RCC2: variants seen among roughly 807,000 people sequenced by gnomAD.
RCC2 encodes regulator of chromosome condensation 2.
RCC2 carries 19 observed loss-of-function variants against 64.1 expected under a neutral mutation model. The ratio of observed to expected loss-of-function variants is 0.30; its 90% CI spans 0.21 to 0.44. The LOEUF is 0.44. RCC2 is among the 20% of genes least tolerant of loss of function. The pLI, the probability that RCC2 is intolerant of heterozygous loss-of-function variation, is 1.00. For missense variants in RCC2, 508 were observed against 710.4 expected, an observed-to-expected ratio of 0.72 and a Z score of 3.24; for synonymous variants, 325 against 279.6, an observed-to-expected ratio of 1.16 and a Z score of -1.62.
In RCC2 at chr1:17,413,195, C is replaced by T. The variant is rs1307264059; in HGVS notation, c.1208-17G>A. ...ACAGACCACCTAAGGGAAGACAAAA[C>T]ATGTTCCCAGCGTGACCAGACATCG... On this transcript the variant is annotated splice_polypyrimidine_tract_variant and intron_variant, in intron 9 of 12. Coordinates refer to ENST00000375436, the MANE Select transcript of RCC2 (RefSeq NM_018715.4). 2 of 1,562,958 alleles carry T rather than the reference C, an allele frequency of 1.3e-6. No homozygotes were observed. Among genetic ancestry groups the T allele is most frequent in the South Asian group, 1.1e-5 (1 of 89,594 alleles).
chr1:17,431,501 A>C (rs1306708622), intron 2 of RCC2, among the ~76,000 whole-genome samples: 2 of 75,986 alleles, frequency 2.6e-5, no homozygotes, highest in African/African-American at 4.2e-5. Flanking sequence ...CCCTGTCTCA[A>C]AAAAAAAAAA....
intron 2 of RCC2, among the ~76,000 whole-genome samples, chr1:17,433,546 G>A (rs1015438530): frequency 5.9e-5 from 9 of 152,264 alleles, no homozygotes; most frequent in African/African-American, 1.4e-4. Flanking sequence ...CAGTGTCTGC[G>A]ACCCTGCTTG....
At chr1:17,421,387 CG>C (rs1386040258) in intron 6 of RCC2, among the ~76,000 whole-genome samples, 1 of 151,806 alleles carries the variant, frequency 6.6e-6, no homozygotes, top group Non-Finnish European at 1.5e-5. Context: ...CCCAGCTACT[CG>C]GGAGGCTGAG....
chr1:17,424,826 A>G (rs932832051), intron 4 of RCC2, among the ~76,000 whole-genome samples: 11 of 152,208 alleles, frequency 7.2e-5, no homozygotes, highest in East Asian at 3.8e-4. Flanking sequence ...CCCATACCCT[A>G]TGATTGGAAT....
At chr1:17,412,047 G>A in intron 11 of RCC2, 75 bp downstream of exon 11, 2 of 1,303,146 alleles carry the variant, frequency 1.5e-6, no homozygotes, top group Admixed American at 3.4e-5. Context: ...TGGGAGACAG[G>A]TGGAGAGAAC....
chr1:17,422,026 C>CA (rs201563531), intron 6 of RCC2, among the ~76,000 whole-genome samples, 177 bp downstream of exon 6: 98 of 148,682 alleles, frequency 6.6e-4, no homozygotes, highest in Admixed American at 1.7e-3. Flanking sequence ...ACTCCGTTCT[C>CA]AAAAAAAAAC....
chr1:17,433,782 G>A (rs1468718880), intron 2 of RCC2, among the ~76,000 whole-genome samples: 1 of 152,112 alleles, frequency 6.6e-6, no homozygotes, highest in South Asian at 2.1e-4. Flanking sequence ...GCGCGTTTAC[G>A]GGGCCCAGAG....
Position 17,409,977 on chromosome 1 carries a change from C to T in RCC2, c.1461G>A (p.Glu487=). 1 of 1,613,910 alleles carries T rather than the reference C, an allele frequency of 6.2e-7. No individual in the cohort carries two copies. Among genetic ancestry groups the T allele is most frequent in the Non-Finnish European group, 8.5e-7 (1 of 1,179,782 alleles). Residue 487 remains glutamate (E), a synonymous_variant, in exon 12 of 13, where the codon GAG becomes GAA. Transcript: ENST00000375436. ...TGGCACAGCTGCCCCCACTCACCTGCTCTGAGAAAATGCCATCCAGAGTCT... is the reference window on the plus strand; with the variant it reads ...TGGCACAGCTGCCCCCACTCACCTGTTCTGAGAAAATGCCATCCAGAGTCT... ...EVKTLDGIFS[E]QVAMGYSHSL... is the part of the protein sequence containing the mutation.
intron 12 of RCC2, among the ~76,000 whole-genome samples, chr1:17,409,490 C>G (rs1426663458): frequency 1.3e-5 from 2 of 152,096 alleles, no homozygotes; most frequent in African/African-American, 4.8e-5. Flanking sequence ...CACTTCCATC[C>G]CCCCCCTCTC....
intron 12 of RCC2, 32 bp downstream of exon 12, chr1:17,409,942 G>T: frequency 6.3e-7 from 1 of 1,584,378 alleles, no homozygotes; most frequent in Non-Finnish European, 8.7e-7. Context: ...GTACGGACAC[G>T]TCCCCGAGCT....
In RCC2 at chr1:17,408,631, G is replaced by A. The variant is rs1376899726; in HGVS notation, c.*459C>T. 2.5e-5 allele frequency: 4 copies of A among 160,914 alleles called. No individual in the cohort carries two copies. Among genetic ancestry groups the A allele is most frequent in the South Asian group, 1.8e-4 (1 of 5,664 alleles). The allele number at this position is 160,914 out of a possible 1,614,324, so 10.0% of individuals were successfully genotyped here. On this transcript the variant is annotated 3_prime_UTR_variant, in exon 13 of 13. Coordinates refer to ENST00000375436, the MANE Select transcript of RCC2 (RefSeq NM_018715.4). ...GCGTGATTTTGGATGGAGGCGGGCC[G>A]GTGACTGCCTAGCTGCTGCCGGTTC... is the stretch of plus-strand genomic sequence containing the variant.
Position 17,411,291 on chromosome 1 carries a change from C to T in RCC2, c.1386+831G>A, listed in dbSNP as rs1165945560. On this transcript the variant is annotated intron_variant, in intron 11 of 12. Transcript: ENST00000375436. ...TTCCTAACAAAAACTCAAAGACCCGCCTTGGCCAGGTGCAGTGGCTCACGC... is the reference window on the plus strand; with the variant it reads ...TTCCTAACAAAAACTCAAAGACCCGTCTTGGCCAGGTGCAGTGGCTCACGC... 1.3e-5 allele frequency among the ~76,000 whole-genome samples: 2 copies of T among 152,100 alleles called. 1 individual carries two copies. Among genetic ancestry groups the T allele is most frequent in the Admixed American group, 1.3e-4 (2 of 15,254 alleles).
chr1:17,431,542 A>C (rs2075681763), intron 2 of RCC2, among the ~76,000 whole-genome samples: 1 of 148,836 alleles, frequency 6.7e-6, no homozygotes, highest in African/African-American at 2.5e-5. Context: ...AAAAGAAAAA[A>C]GGGCAGCTCC....
intron 7 of RCC2, among the ~76,000 whole-genome samples, chr1:17,418,874 G>A (rs1011486637): frequency 2.0e-5 from 3 of 152,202 alleles, no homozygotes; most frequent in African/African-American, 7.2e-5. Flanking sequence ...TATCGACACA[G>A]TGGATACTGA....
At chr1:17,416,017 C>T (rs569224374) in intron 8 of RCC2, among the ~76,000 whole-genome samples, 2 of 136,660 alleles carry the variant, frequency 1.5e-5, no homozygotes, top group South Asian at 2.2e-4. Context: ...TGTGGTGAGC[C>T]GAGATCACGC....
chr1:17,430,972 C>T (rs1473057443), intron 2 of RCC2, among the ~76,000 whole-genome samples: 2 of 151,804 alleles, frequency 1.3e-5, no homozygotes, highest in African/African-American at 2.4e-5. Flanking sequence ...CCCACCTTGG[C>T]CTCCCAAAGT....
At chr1:17,413,495 C>A (rs758532300) in intron 9 of RCC2, 42 bp downstream of exon 9, 1 of 1,596,652 alleles carries the variant, frequency 6.3e-7, no homozygotes, top group East Asian at 2.2e-5. Flanking sequence ...TACACGGTTC[C>A]GCACCAGAGC....
chr1:17,429,070 A>T, intron 3 of RCC2, 36 bp downstream of exon 3: 2 of 1,507,878 alleles, frequency 1.3e-6, no homozygotes. Flanking sequence ...GCACTTAAGA[A>T]GCACTCAATG....
At chr1:17,411,205 C>T (rs367916638) in intron 11 of RCC2, among the ~76,000 whole-genome samples, 12 of 152,100 alleles carry the variant, frequency 7.9e-5, no homozygotes, top group South Asian at 2.1e-4. Context: ...AAGAGTTAAG[C>T]GGAGAATCAA....
Sources: gnomAD v4.1 joint callset for allele counts (sites outside exome capture counted in the v4.1 genomes callset) on GRCh38, gnomAD v4.1.1 for gene constraint, MANE v1.5 for transcripts, NCBI Gene and HGNC (gene_info 2026-07-23, HGNC 2026-07-21) for gene names.